The following UNC45B variants were observed in gnomAD, a reference collection of about 807,000 sequenced individuals.
UNC45B encodes the protein unc-45 myosin chaperone B, also known as protein unc-45 homolog B.
A neutral mutation model predicts 98.7 loss-of-function variants in UNC45B; 78 were observed. The observed-to-expected ratio is 0.79, with a 90% CI of 0.66 to 0.95. The LOEUF (loss-of-function observed/expected upper bound fraction) is 0.95. Among genes scored for constraint, UNC45B ranks in the 40% least tolerant of loss-of-function variants. UNC45B has a pLI of 0.00. For missense variants in UNC45B, 1,225 were observed against 1,184.9 expected, an observed-to-expected ratio of 1.03 and a Z score of -0.50; for synonymous variants, 462 against 480.4, an observed-to-expected ratio of 0.96 and a Z score of 0.50.
chr17:35,163,060 G>A (rs1467269629), intron 8 of UNC45B, among the ~76,000 whole-genome samples: 1 of 152,088 alleles, frequency 6.6e-6, no homozygotes, highest in Admixed American at 6.6e-5. Context: ...ACTTGTCCTG[G>A]GCAACTTACT....
intron 3 of UNC45B, among the ~76,000 whole-genome samples, chr17:35,149,609 G>A (rs1211768771): frequency 2.6e-5 from 4 of 152,204 alleles, no homozygotes; most frequent in Non-Finnish European, 5.9e-5. Flanking sequence ...TAGAGACAAG[G>A]TTTCGCCATG....
At position 35,177,004 on chromosome 17, in the gene UNC45B, C is replaced by T. The variant is rs890185934; in HGVS notation, c.2026-13C>T. 6.2e-7 allele frequency: 1 copy of T among 1,608,782 alleles called. No homozygotes were observed. The highest frequency in any genetic ancestry group is 1.1e-5 in the South Asian group (1 of 90,826). ...TGTCTGTGACTAAGTAGTGACCTTG[C>T]CCTTTCTTGCAGGCCCTGATTCCCC... On this transcript the variant is annotated splice_polypyrimidine_tract_variant and intron_variant, in intron 15 of 19. Coordinates refer to ENST00000394570, the MANE Select transcript of UNC45B (RefSeq NM_001267052.2).
chr17:35,171,247 G>A, intron 12 of UNC45B, 75 bp from the exon 13 acceptor site: 2 of 1,570,618 alleles, frequency 1.3e-6, no homozygotes, highest in Non-Finnish European at 8.7e-7. Flanking sequence ...GCCACGTGAG[G>A]GAGCATCCTG....
At chr17:35,180,463 C>A in intron 17 of UNC45B, 96 bp from the exon 18 acceptor site, 1 of 908,396 alleles carries the variant, frequency 1.1e-6, no homozygotes, top group Non-Finnish European at 1.7e-6. Context: ...GGAAGGACAG[C>A]ACCAGAATGG....
At chr17:35,178,970 C>T (rs1215418985) in intron 17 of UNC45B, among the ~76,000 whole-genome samples, 1 of 152,078 alleles carries the variant, frequency 6.6e-6, no homozygotes, top group Non-Finnish European at 1.5e-5. Flanking sequence ...AGTCAGGTAG[C>T]GTGATACCTG....
In UNC45B at chr17:35,187,252, A is replaced by G. The variant is rs2092309115; in HGVS notation, c.*693A>G. 1 of 152,302 alleles carries G rather than the reference A, an allele frequency of 6.6e-6. No homozygotes were observed. Among genetic ancestry groups the G allele is most frequent in the Non-Finnish European group, 1.5e-5 (1 of 68,068 alleles). The allele number at this position is 152,302 out of a possible 1,614,324, so 9.4% of individuals were successfully genotyped here. A position where few individuals can be genotyped will look rare whatever the true frequency, so the allele number is the denominator to read the frequency against. Reference sequence around the variant, plus strand: ...ATTGGCTCATGTATCTTGGCCACCCAGGGAAGGTCTGACATTGTTAGTTAG... The same window carrying G: ...ATTGGCTCATGTATCTTGGCCACCCGGGGAAGGTCTGACATTGTTAGTTAG... On this transcript the variant is annotated 3_prime_UTR_variant, in exon 20 of 20. Coordinates refer to ENST00000394570, the MANE Select transcript of UNC45B (RefSeq NM_001267052.2).
At chr17:35,167,936 C>A in intron 9 of UNC45B, 125 bp from the exon 10 acceptor site, 1 of 884,750 alleles carries the variant, frequency 1.1e-6, no homozygotes, top group South Asian at 3.8e-5. Flanking sequence ...GCTGAATTGC[C>A]CAATATCACA....
intron 7 of UNC45B, among the ~76,000 whole-genome samples, chr17:35,157,360 C>A (rs1171785601): frequency 3.3e-5 from 5 of 152,088 alleles, no homozygotes; most frequent in African/African-American, 7.2e-5. Context: ...CTGCCTCAGC[C>A]TCTGCTAATT....
intron 8 of UNC45B, among the ~76,000 whole-genome samples, chr17:35,160,848 T>C (rs1380495382): frequency 6.6e-6 from 1 of 152,246 alleles, no homozygotes; most frequent in Admixed American, 6.5e-5. Flanking sequence ...GAATCATACC[T>C]GTGGTTTCAT....
chr17:35,177,302 G>A (rs963465978), intron 16 of UNC45B, among the ~76,000 whole-genome samples, 172 bp downstream of exon 16: 4 of 152,170 alleles, frequency 2.6e-5, no homozygotes, highest in East Asian at 1.9e-4. Flanking sequence ...CTGACAAACC[G>A]GATTGCCCTC....
chr17:35,174,482 C>A, intron 14 of UNC45B, 113 bp downstream of exon 14: 2 of 1,439,572 alleles, frequency 1.4e-6, no homozygotes, highest in South Asian at 1.3e-5. Flanking sequence ...AGGAGATAAA[C>A]TATTGGGAAA....
chr17:35,151,116 GC>G, intron 4 of UNC45B: 1 of 199,004 alleles, frequency 5.0e-6, no homozygotes, highest in South Asian at 6.1e-5. Flanking sequence ...CATTTCCCGC[GC>G]CCCACCGCGG....
rs9916195 is a variant in UNC45B at position 35,155,073 on chromosome 17, G to A, written c.640-223G>A. ...AAGAGCTCAACGGCCCCATGTGGCC[G>A]GTGGTCACTGTATTGGATGGCACAG... is the stretch of plus-strand genomic sequence containing the variant. On this transcript the variant is annotated intron_variant, in intron 6 of 19. Transcript: ENST00000394570. Among the ~76,000 whole-genome samples, 796 of 152,352 alleles carry A rather than the reference G, an allele frequency of 5.2e-3. 8 individuals are homozygous for A. Among genetic ancestry groups the A allele is most frequent in the African/African-American group, 0.018 (753 of 41,574 alleles).
intron 18 of UNC45B, among the ~76,000 whole-genome samples, chr17:35,181,790 CAA>C (rs34090979): frequency 0.42 from 48,423 of 115,402 alleles, 8,563 homozygotes; most frequent in Middle Eastern, 0.51. Flanking sequence ...GACTGCATCT[CAA>C]AAAAAAAAAA....
intron 13 of UNC45B, 36 bp downstream of exon 13, chr17:35,171,498 G>A (rs1184557855): frequency 3.7e-6 from 6 of 1,604,694 alleles, no homozygotes; most frequent in South Asian, 3.3e-5. Flanking sequence ...GGTCTGGTCT[G>A]TGCCACTAGG....
At chr17:35,165,335 C>G (rs1423154164) in intron 9 of UNC45B, among the ~76,000 whole-genome samples, 1 of 152,176 alleles carries the variant, frequency 6.6e-6, no homozygotes, top group Non-Finnish European at 1.5e-5. Flanking sequence ...CACTGGTGCT[C>G]CAGCATCAGT....
rs1192094208 is a variant in UNC45B, at chr17:35,187,170, CA to C, written c.*612del. 1 of 152,866 alleles carries C rather than the reference CA, an allele frequency of 6.5e-6. No individual in the cohort carries two copies. Among genetic ancestry groups the C allele is most frequent in the African/African-American group, 2.4e-5 (1 of 41,408 alleles). The allele number at this position is 152,866 out of a possible 1,614,324, so 9.5% of individuals were successfully genotyped here. ...GGGAAAGTCTTCCAAGCAAGATGGA[CA>C]TGATGAATACAAATAAGATCTACTC... On this transcript the variant is annotated 3_prime_UTR_variant, in exon 20 of 20. Transcript: ENST00000394570.
intron 14 of UNC45B, among the ~76,000 whole-genome samples, chr17:35,175,060 G>GAAGAAAGAAAAAGAAAGAAAGAAAGA (rs2092219896): frequency 1.8e-5 from 2 of 110,058 alleles, no homozygotes; most frequent in African/African-American, 6.7e-5. Flanking sequence ...AGAAAGGAAA[G>GAAGAAAGAAAAAGAAAGAAAGAAAGA]AAGAAAGAAA....
At chr17:35,177,266 C>G in intron 16 of UNC45B, 136 bp downstream of exon 16, 1 of 858,700 alleles carries the variant, frequency 1.2e-6, no homozygotes, top group Non-Finnish European at 1.8e-6. Context: ...CATGGAGGCA[C>G]CTGGATTCCA....
Sources: allele counts gnomAD v4.1 joint callset (sites outside exome capture counted in the v4.1 genomes callset), GRCh38; gene constraint gnomAD v4.1.1; transcripts MANE v1.5; gene names NCBI Gene and HGNC (gene_info 2026-07-23, HGNC 2026-07-21).